Variants in GPC5 observed in about 807,000 individuals in gnomAD.
GPC5 encodes glypican 5, also known as glypican-5.
A neutral mutation model predicts 53.9 loss-of-function variants in GPC5; 47 were observed. That is an observed-to-expected ratio of 0.87 (90% CI 0.69 to 1.11). GPC5 has a LOEUF of 1.11. GPC5 is among the 50% of genes most tolerant of loss of function. GPC5 has a pLI of 0.00. For synonymous variants in GPC5, 286 were observed against 263.3 expected, an observed-to-expected ratio of 1.09 and a Z score of -0.84; for missense variants, 748 against 713.1, an observed-to-expected ratio of 1.05 and a Z score of -0.56.
intron 5 of GPC5, among the ~76,000 whole-genome samples, chr13:91,814,686 A>T (rs1214912384): frequency 6.6e-6 from 1 of 151,970 alleles, no homozygotes; most frequent in Non-Finnish European, 1.5e-5. Flanking sequence ...GATTACAGGC[A>T]CCCATCACCA....
At chr13:92,618,647 T>A (rs1391885141) in intron 7 of GPC5, among the ~76,000 whole-genome samples, 2 of 142,582 alleles carry the variant, frequency 1.4e-5, no homozygotes, top group Non-Finnish European at 3.1e-5. Flanking sequence ...ACAAGTTGAA[T>A]AACTTCAAAT....
chr13:92,174,802 G>T (rs1327586081), intron 7 of GPC5, among the ~76,000 whole-genome samples: 1 of 152,200 alleles, frequency 6.6e-6, no homozygotes, highest in African/African-American at 2.4e-5. Context: ...ATCGTAAAGT[G>T]CAGAGTACCA....
At chr13:91,993,168 A>G (rs567978068) in intron 6 of GPC5, among the ~76,000 whole-genome samples, 1 of 152,318 alleles carries the variant, frequency 6.6e-6, no homozygotes, top group East Asian at 1.9e-4. Context: ...TGAAGTGAAC[A>G]GTTTTTGCTA....
chr13:91,886,170 C>G (rs1461914322), intron 5 of GPC5, among the ~76,000 whole-genome samples: 4 of 152,072 alleles, frequency 2.6e-5, no homozygotes, highest in African/African-American at 9.7e-5. Flanking sequence ...TGGCAGAAGG[C>G]AAAGTAGGAG....
At chr13:92,677,058 C>A (rs1299676052) in intron 7 of GPC5, among the ~76,000 whole-genome samples, 1 of 152,030 alleles carries the variant, frequency 6.6e-6, no homozygotes, top group Non-Finnish European at 1.5e-5. Flanking sequence ...AATTATAATT[C>A]TAAATTTTTA....
At chr13:92,644,881 A>AG (rs912243045) in intron 7 of GPC5, among the ~76,000 whole-genome samples, 5 of 151,658 alleles carry the variant, frequency 3.3e-5, no homozygotes, top group Non-Finnish European at 5.9e-5. Flanking sequence ...GATACTGTAA[A>AG]AAAAAAATGG....
At chr13:91,649,154 T>C (rs897914763) in intron 2 of GPC5, among the ~76,000 whole-genome samples, 1 of 152,148 alleles carries the variant, frequency 6.6e-6, no homozygotes, top group East Asian at 1.9e-4. Flanking sequence ...TCTTCCATGG[T>C]TTTAAGTTTC....
intron 7 of GPC5, among the ~76,000 whole-genome samples, chr13:92,492,818 G>C (rs1225282563): frequency 2.6e-5 from 4 of 152,268 alleles, no homozygotes; most frequent in Non-Finnish European, 4.4e-5. Flanking sequence ...GCAATGCCTA[G>C]TAATCTCCAA....
intron 5 of GPC5, among the ~76,000 whole-genome samples, chr13:91,845,974 AC>A (rs2038844535): frequency 2.0e-5 from 3 of 152,334 alleles, no homozygotes; most frequent in Non-Finnish European, 2.9e-5. Context: ...CATAGTTAAT[AC>A]TTTAACTGGG....
intron 7 of GPC5, among the ~76,000 whole-genome samples, chr13:92,388,885 T>A (rs1027010199): frequency 2.0e-5 from 3 of 152,108 alleles, no homozygotes; most frequent in African/African-American, 7.2e-5. Context: ...TTAAGAAAAG[T>A]ATGTTTTTGT....
At chr13:92,224,302 A>G (rs2042469174) in intron 7 of GPC5, among the ~76,000 whole-genome samples, 1 of 152,174 alleles carries the variant, frequency 6.6e-6, no homozygotes, top group Admixed American at 6.5e-5. Flanking sequence ...GCCTTAGGTA[A>G]TTCTATTGTG....
chr13:92,324,812 C>T (rs1024145385), intron 7 of GPC5, among the ~76,000 whole-genome samples: 7 of 151,762 alleles, frequency 4.6e-5, no homozygotes, highest in Non-Finnish European at 8.8e-5. Flanking sequence ...TCTGAAAATG[C>T]TATCATAGAT....
intron 7 of GPC5, among the ~76,000 whole-genome samples, chr13:92,841,889 A>T (rs1214421438): frequency 1.3e-5 from 2 of 152,024 alleles, no homozygotes; most frequent in Non-Finnish European, 2.9e-5. Flanking sequence ...GTATTGCTTG[A>T]CATGTTCCTC....
chr13:91,693,057 T>A, intron 2 of GPC5, 130 bp from the exon 3 acceptor site: 2 of 691,032 alleles, frequency 2.9e-6, no homozygotes, highest in Non-Finnish European at 4.9e-6. Flanking sequence ...CTGAATTTGG[T>A]TGAGTAGGCT....
At chr13:92,332,711 GA>G (rs1302780024) in intron 7 of GPC5, among the ~76,000 whole-genome samples, 9 of 152,190 alleles carry the variant, frequency 5.9e-5, no homozygotes, top group African/African-American at 2.2e-4. Context: ...GACAAAAACA[GA>G]AAAAGACTAT....
At chr13:92,523,221 G>C (rs1343462232) in intron 7 of GPC5, among the ~76,000 whole-genome samples, 1 of 152,028 alleles carries the variant, frequency 6.6e-6, no homozygotes, top group Non-Finnish European at 1.5e-5. Context: ...TCTGGAACTC[G>C]TGTGTTGCTA....
At chr13:91,657,765 A>G (rs1457482228) in intron 2 of GPC5, among the ~76,000 whole-genome samples, 1 of 152,212 alleles carries the variant, frequency 6.6e-6, no homozygotes, top group African/African-American at 2.4e-5. Flanking sequence ...TGGCATCAAC[A>G]TGGAAATATT....
intron 3 of GPC5, among the ~76,000 whole-genome samples, chr13:91,721,407 T>A (rs573268544): frequency 6.6e-6 from 1 of 152,212 alleles, no homozygotes; most frequent in Non-Finnish European, 1.5e-5. Flanking sequence ...AGTGTTGTGA[T>A]TACAGGCGTG....
intron 6 of GPC5, among the ~76,000 whole-genome samples, chr13:92,141,906 C>T (rs1040147413): frequency 2.0e-5 from 3 of 152,100 alleles, no homozygotes; most frequent in African/African-American, 7.2e-5. Context: ...GGTACAGTTC[C>T]TTGCCATAGG....
Sources: gnomAD v4.1 joint callset for allele counts (sites outside exome capture counted in the v4.1 genomes callset) on GRCh38, gnomAD v4.1.1 for gene constraint, MANE v1.5 for transcripts, NCBI Gene and HGNC (gene_info 2026-07-23, HGNC 2026-07-21) for gene names.